ABCB7: variants seen among roughly 807,000 people sequenced by gnomAD.
ABCB7 encodes iron-sulfur clusters transporter ABCB7, mitochondrial.
Under a neutral mutation model 54.4 loss-of-function variants are expected in ABCB7, and 7 were observed. That is an observed-to-expected ratio of 0.13 (90% CI 0.07 to 0.24). The LOEUF is 0.24. Ranked by LOEUF, ABCB7 falls within the 10% of genes least tolerant of loss-of-function variation. The pLI, the probability that ABCB7 is intolerant of heterozygous loss-of-function variation, is 1.00. For missense variants in ABCB7, 356 were observed against 570.4 expected (o/e 0.62, Z 3.83); for synonymous variants, 218 against 207.1 (o/e 1.05, Z -0.45).
intron 4 of ABCB7, among the ~76,000 whole-genome samples, chrX:75,086,105 C>T (rs1447671978): frequency 1.4e-4 from 15 of 110,895 alleles, no homozygotes; most frequent in African/African-American, 4.9e-4. Context: ...CCTCGGCCTC[C>T]CAAAGTGCTG....
intron 1 of ABCB7, among the ~76,000 whole-genome samples, chrX:75,155,452 A>G (rs1224591970): frequency 3.6e-5 from 4 of 112,496 alleles, no homozygotes; most frequent in Non-Finnish European, 7.5e-5. Context: ...AGGCACTACA[A>G]CCATAGCTAC....
At chrX:75,142,216 G>A (rs772618766) in intron 1 of ABCB7, among the ~76,000 whole-genome samples, 1 of 111,532 alleles carries the variant, frequency 9.0e-6, no homozygotes, top group South Asian at 3.7e-4. Flanking sequence ...AAATGGTGTA[G>A]TATTTATGTA....
At chrX:75,056,010 A>G (rs1306043956) in intron 15 of ABCB7, among the ~76,000 whole-genome samples, 1 of 111,429 alleles carries the variant, frequency 9.0e-6, no homozygotes, top group Non-Finnish European at 1.9e-5. Context: ...TTGGGTAGAA[A>G]GAAAAGATAA....
intron 12 of ABCB7, 29 bp downstream of exon 12, chrX:75,068,978 A>G (rs778833522): frequency 8.3e-7 from 1 of 1,203,876 alleles, no homozygotes; most frequent in South Asian, 1.8e-5. Context: ...AAATCCTCCA[A>G]AAATTTGTTT....
At position 75,077,651 on chromosome X, in the gene ABCB7, G is replaced by C. The variant is rs1273279270; in HGVS notation, c.454-997C>G. Among the ~76,000 whole-genome samples the C allele has an allele frequency of 1.3e-4, 14 of 111,695 alleles. No individual in the cohort carries two copies. The Admixed American group carries it at 1.3e-3, about 11-fold the overall frequency. ...CAAAGTTTAGCTATAACTGATAGAA[G>C]CTATGTAACTCTTATCAAGATTCCA... On this transcript the variant is annotated intron_variant, in intron 4 of 15. Coordinates refer to ENST00000373394, the MANE Select transcript of ABCB7 (RefSeq NM_001271696.3).
At chrX:75,116,391 G>A (rs934632611) in intron 1 of ABCB7, among the ~76,000 whole-genome samples, 1 of 107,126 alleles carries the variant, frequency 9.3e-6, no homozygotes, top group Non-Finnish European at 1.9e-5. Context: ...CTGAGGTTGT[G>A]TCATGTGCCA....
chrX:75,114,776 C>A lies in ABCB7; in HGVS notation c.224G>T (p.Gly75Val). Residue 75 changes from glycine (G) to valine (V), a missense_variant, in exon 2 of 16, where the codon GGA (glycine) becomes GTA (valine). Around this residue, in one of 2 missense-constraint regions of ABCB7, gnomAD observed 115 missense variants for 99.5 expected, o/e 1.16. Transcript: ENST00000373394. ...TACCTTTGCAGCATCTAAGAACTGTCCTGAATTGCCTTTTCCCAATCTCTG... is the reference window on the plus strand; with the variant it reads ...TACCTTTGCAGCATCTAAGAACTGTACTGAATTGCCTTTTCCCAATCTCTG... ...TWQRLGKGNS[G>V]QFLDAAKALQ... 5 of 1,200,901 alleles carry A rather than the reference C, an allele frequency of 4.2e-6. No individual in the cohort carries two copies. Among genetic ancestry groups the A allele is most frequent in the Non-Finnish European group, 5.6e-6 (5 of 888,462 alleles).
intron 3 of ABCB7, 31 bp downstream of exon 3, chrX:75,112,855 G>A: frequency 9.0e-7 from 1 of 1,110,396 alleles, no homozygotes. Context: ...CAATCATCAA[G>A]AATTTCCAGT....
At chrX:75,082,844 T>C (rs768903198) in intron 4 of ABCB7, among the ~76,000 whole-genome samples, 66 of 111,308 alleles carry the variant, frequency 5.9e-4, no homozygotes, top group Non-Finnish European at 1.1e-3. Flanking sequence ...AAACACATAG[T>C]AGATAAATTA....
intron 1 of ABCB7, among the ~76,000 whole-genome samples, chrX:75,132,067 C>T (rs969247390): frequency 4.5e-5 from 5 of 111,031 alleles, no homozygotes; most frequent in South Asian, 3.9e-4. Flanking sequence ...TGGGGCTGCG[C>T]GTAGCTTCCC....
chrX:75,138,155 A>ACCATTTTTAAATTTT (rs1173931636), intron 1 of ABCB7, among the ~76,000 whole-genome samples: 1 of 111,525 alleles, frequency 9.0e-6, no homozygotes, highest in African/African-American at 3.3e-5. Context: ...ATCCACCAGT[A>ACCATTTTTAAATTTT]TAACTAAAAT....
intron 1 of ABCB7, among the ~76,000 whole-genome samples, chrX:75,141,659 C>T (rs974153376): frequency 6.3e-5 from 7 of 111,711 alleles, no homozygotes; most frequent in African/African-American, 2.3e-4. Context: ...AACTTATAAA[C>T]ATTTGTGCAC....
At chrX:75,155,721 G>GAA (rs2082169842) in intron 1 of ABCB7, among the ~76,000 whole-genome samples, 1 of 111,484 alleles carries the variant, frequency 9.0e-6, no homozygotes, top group Non-Finnish European at 1.9e-5. Flanking sequence ...AGTAAAATCT[G>GAA]AACCACAGAT....
intron 4 of ABCB7, among the ~76,000 whole-genome samples, chrX:75,089,512 G>A (rs954402807): frequency 9.0e-6 from 1 of 110,676 alleles, no homozygotes; most frequent in Non-Finnish European, 1.9e-5. Context: ...AATGTATAAT[G>A]CAAACTCTAT....
At position 75,098,995 on chromosome X, in the gene ABCB7, G is replaced by T. The variant is rs1178032786; in HGVS notation, c.400C>A (p.Pro134Thr). 8 of 1,209,239 alleles carry T rather than the reference G, an allele frequency of 6.6e-6. No homozygotes were observed. Among genetic ancestry groups the T allele is most frequent in the Non-Finnish European group, 8.9e-6 (8 of 894,656 alleles). ...MLSYVWPKDR[P>T]DLRARVAISL... The stretch of plus-strand genomic sequence containing the variant: ...ATGGCAACTCTAGCTCGTAGATCTG[G>T]CCTGTCTTTGGGCCACACATAAGAA... The change falls in exon 4 of 16, where the codon CCA (proline) becomes ACA (threonine). Residue 134 changes from proline (P) to threonine (T), a missense_variant. Physicochemically the swap from Pro to Thr is conservative, Grantham distance 38. Around this residue, in one of 2 missense-constraint regions of ABCB7, gnomAD observed 241 missense variants for 470.9 expected, o/e 0.51. Coordinates refer to ENST00000373394, the MANE Select transcript of ABCB7 (RefSeq NM_001271696.3).
intron 1 of ABCB7, among the ~76,000 whole-genome samples, chrX:75,150,319 G>A (rs973307297): frequency 5.4e-5 from 6 of 111,559 alleles, no homozygotes; most frequent in African/African-American, 2.0e-4. Context: ...TCCTACAAGG[G>A]AGTCAAGAGA....
At chrX:75,066,792 G>A (rs1450637243) in intron 12 of ABCB7, among the ~76,000 whole-genome samples, 1 of 110,293 alleles carries the variant, frequency 9.1e-6, no homozygotes, top group Non-Finnish European at 1.9e-5. Flanking sequence ...ATAAAATCAG[G>A]ATATTATATT....
chrX:75,094,116 C>G (rs1362902122), intron 4 of ABCB7, among the ~76,000 whole-genome samples: 1 of 100,374 alleles, frequency 1.0e-5, no homozygotes, highest in African/African-American at 3.9e-5. Context: ...ACCTGTTATA[C>G]TTTATATAAC....
rs2081744410 is a variant in ABCB7, at chrX:75,110,026, T to A, written c.333+2860A>T. Among the ~76,000 whole-genome samples, 4 of 112,116 alleles carry A rather than the reference T, an allele frequency of 3.6e-5. No homozygotes were observed. The South Asian group carries it at 1.5e-3, about 41-fold the overall frequency. On this transcript the variant is annotated intron_variant, in intron 3 of 15. Coordinates refer to ENST00000373394, the MANE Select transcript of ABCB7 (RefSeq NM_001271696.3). The stretch of plus-strand genomic sequence containing the variant: ...AAGAGAAGAAAATATGTATGAGTTG[T>A]CAGGAAAGGCTTTACAATTTTTGTT...
Sources: allele counts gnomAD v4.1 joint callset (sites outside exome capture counted in the v4.1 genomes callset), GRCh38; gene constraint gnomAD v4.1.1; regional missense constraint gnomAD v4.1.1; transcripts MANE v1.5; gene names NCBI Gene and HGNC (gene_info 2026-07-23, HGNC 2026-07-21).